SYT1: variants seen among roughly 807,000 people sequenced by gnomAD.
SYT1 encodes the protein synaptotagmin 1.
In SYT1, 8 loss-of-function variants were observed where a neutral mutation model predicts 44.8. The ratio of observed to expected loss-of-function variants is 0.18; its 90% CI spans 0.10 to 0.32. SYT1 has a LOEUF of 0.32. Ranked by LOEUF, SYT1 falls within the 10% of genes least tolerant of loss-of-function variation. The pLI, the probability that SYT1 is intolerant of heterozygous loss-of-function variation, is 1.00. For missense variants in SYT1, 286 were observed against 509.3 expected (o/e 0.56, Z 4.22); for synonymous variants, 154 against 188.8 (o/e 0.82, Z 1.51).
At chr12:79,358,675 A>T (rs1246972112) in intron 9 of SYT1, among the ~76,000 whole-genome samples, 3 of 152,168 alleles carry the variant, frequency 2.0e-5, no homozygotes, top group African/African-American at 7.2e-5. Context: ...TTTCTAATAT[A>T]GCATTCAGCC....
intron 8 of SYT1, among the ~76,000 whole-genome samples, chr12:79,343,673 A>T (rs1882476302): frequency 6.6e-6 from 1 of 152,224 alleles, no homozygotes. Context: ...GTAATAAAAT[A>T]TTTGGCACAT....
intron 2 of SYT1, among the ~76,000 whole-genome samples, chr12:79,041,566 G>A: frequency 6.6e-6 from 1 of 152,172 alleles, no homozygotes; most frequent in East Asian, 1.9e-4. Flanking sequence ...CATGTCGTCT[G>A]CAAACAGGGA....
At chr12:78,937,295 T>C (rs1480195566) in intron 1 of SYT1, among the ~76,000 whole-genome samples, 1 of 152,012 alleles carries the variant, frequency 6.6e-6, no homozygotes, top group African/African-American at 2.4e-5. Context: ...GGAGGAACAG[T>C]AGGGATGATG....
intron 2 of SYT1, among the ~76,000 whole-genome samples, chr12:79,018,875 C>T (rs1288667527): frequency 6.6e-6 from 1 of 151,950 alleles, no homozygotes; most frequent in African/African-American, 2.4e-5. Context: ...CTCTCTGAAA[C>T]TCAGTTGTAT....
intron 1 of SYT1, among the ~76,000 whole-genome samples, chr12:78,882,957 A>G (rs1488084314): frequency 6.6e-6 from 1 of 151,666 alleles, no homozygotes; most frequent in African/African-American, 2.4e-5. Context: ...TCATTTTCAG[A>G]AACTACCTAA....
intron 4 of SYT1, among the ~76,000 whole-genome samples, chr12:79,234,106 T>G (rs1050953024): frequency 8.5e-5 from 13 of 152,170 alleles, no homozygotes; most frequent in Admixed American, 4.6e-4. Context: ...TCTTTCTCTC[T>G]CTCTGTCTCC....
intron 9 of SYT1, among the ~76,000 whole-genome samples, chr12:79,354,498 A>AT (rs1428368936): frequency 6.6e-6 from 1 of 152,114 alleles, no homozygotes; most frequent in African/African-American, 2.4e-5. Context: ...CAGCATGGTG[A>AT]TTTTTTATTC....
At chr12:79,215,164 CA>C (rs1263620889) in intron 3 of SYT1, among the ~76,000 whole-genome samples, 1 of 152,002 alleles carries the variant, frequency 6.6e-6, no homozygotes, top group Non-Finnish European at 1.5e-5. Context: ...GAGTTGGAAA[CA>C]AAAAATTTCC....
At chr12:79,424,488 A>G (rs1224826400) in intron 9 of SYT1, among the ~76,000 whole-genome samples, 1 of 152,180 alleles carries the variant, frequency 6.6e-6, no homozygotes, top group Non-Finnish European at 1.5e-5. Flanking sequence ...CAACAGGCAT[A>G]AGCATATAGA....
chr12:78,876,728 T>TACA, intron 1 of SYT1, among the ~76,000 whole-genome samples: 1 of 102,822 alleles, frequency 9.7e-6, no homozygotes, highest in Non-Finnish European at 1.9e-5. Flanking sequence ...TATAATATAA[T>TACA]TATATATTAT....
At chr12:79,120,461 G>C (rs1879534953) in intron 3 of SYT1, among the ~76,000 whole-genome samples, 2 of 152,050 alleles carry the variant, frequency 1.3e-5, no homozygotes, top group Admixed American at 6.6e-5. Context: ...TTGAGAGGGA[G>C]AGCTGCTTAA....
chr12:79,200,481 GA>G (rs879765294), intron 3 of SYT1, among the ~76,000 whole-genome samples: 26 of 152,052 alleles, frequency 1.7e-4, no homozygotes, highest in Non-Finnish European at 3.4e-4. Context: ...GAGCAAACAA[GA>G]AGCAAAGCAC....
At chr12:79,386,234 T>G (rs868663017) in intron 9 of SYT1, among the ~76,000 whole-genome samples, 2 of 152,038 alleles carry the variant, frequency 1.3e-5, no homozygotes, top group African/African-American at 4.8e-5. Context: ...ATTTAAATAA[T>G]AAATTTCCAA....
intron 2 of SYT1, among the ~76,000 whole-genome samples, chr12:79,007,913 A>T (rs180796021): frequency 1.3e-5 from 2 of 152,224 alleles, no homozygotes; most frequent in East Asian, 3.9e-4. Context: ...TCAACTACAA[A>T]TGCTTTCTAA....
At chr12:79,352,732 G>T (rs1882962831) in intron 8 of SYT1, among the ~76,000 whole-genome samples, 2 of 152,070 alleles carry the variant, frequency 1.3e-5, no homozygotes, top group South Asian at 4.1e-4. Context: ...CATCATCATT[G>T]TAAACACTTG....
At chr12:79,209,345 A>G (rs1232049976) in intron 3 of SYT1, among the ~76,000 whole-genome samples, 1 of 152,134 alleles carries the variant, frequency 6.6e-6, no homozygotes, top group Non-Finnish European at 1.5e-5. Flanking sequence ...TTCCAAAAAT[A>G]TTTCAGAGTA....
At chr12:78,943,657 A>G (rs1299535483) in intron 1 of SYT1, among the ~76,000 whole-genome samples, 1 of 152,182 alleles carries the variant, frequency 6.6e-6, no homozygotes, top group Admixed American at 6.5e-5. Context: ...CCACAGCTTT[A>G]GCCTATGTCG....
In SYT1 at chr12:79,186,897, C is replaced by T. The variant is rs551638020; in HGVS notation, c.-17-30606C>T. Among the ~76,000 whole-genome samples, 18 of 152,118 alleles carry T rather than the reference C, an allele frequency of 1.2e-4. No homozygotes were observed. In the South Asian group the frequency reaches 3.7e-3, roughly 32 times the overall value. ...TAGCAGGCACTTTTCTGTGATAATA[C>T]ACCAATTCCTGGAGATGACAAATGT... is the stretch of plus-strand genomic sequence containing the variant. On this transcript the variant is annotated intron_variant, in intron 3 of 10. Coordinates refer to ENST00000261205, the MANE Select transcript of SYT1 (RefSeq NM_005639.3).
chr12:79,024,525 G>A (rs116633499), intron 2 of SYT1, among the ~76,000 whole-genome samples: 1,683 of 151,854 alleles, frequency 0.011, 31 homozygotes, highest in African/African-American at 0.039. Flanking sequence ...TTAACTGAAT[G>A]TCTACCTTGT....
Sources: gnomAD v4.1 joint callset for allele counts (sites outside exome capture counted in the v4.1 genomes callset) on GRCh38, gnomAD v4.1.1 for gene constraint, MANE v1.5 for transcripts, NCBI Gene and HGNC (gene_info 2026-07-23, HGNC 2026-07-21) for gene names.